SLC8A1: variants seen among roughly 807,000 people sequenced by gnomAD.
The protein encoded by SLC8A1 is solute carrier family 8 member A1.
A neutral mutation model predicts 68.3 loss-of-function variants in SLC8A1; 18 were observed. The observed-to-expected ratio is 0.26, with a 90% CI of 0.18 to 0.39. SLC8A1 has a LOEUF of 0.39. Among genes scored for constraint, SLC8A1 ranks in the 10% least tolerant of loss-of-function variants. The pLI is 1.00. For missense variants in SLC8A1, 985 were observed against 1,156.7 expected (o/e 0.85, Z 2.15); for synonymous variants, 475 against 415.5 (o/e 1.14, Z -1.74).
chr2:40,413,376 G>C (rs925978248), intron 2 of SLC8A1, among the ~76,000 whole-genome samples: 32 of 152,110 alleles, frequency 2.1e-4, no homozygotes, highest in African/African-American at 5.1e-4. Flanking sequence ...TGATAGACTG[G>C]ATTAAAAAAA....
chr2:40,198,239 A>C (rs1041865781), intron 2 of SLC8A1, among the ~76,000 whole-genome samples: 1 of 151,996 alleles, frequency 6.6e-6, no homozygotes, highest in Non-Finnish European at 1.5e-5. Context: ...AGGAGGGATT[A>C]GTGTTTTGGA....
chr2:40,247,248 G>C lies in SLC8A1; in HGVS notation c.1809-69393C>G, dbSNP rs951208679. Among the ~76,000 whole-genome samples, 3 of 152,282 alleles carry C rather than the reference G, an allele frequency of 2.0e-5. No individual in the cohort carries two copies. The South Asian group carries it at 6.2e-4, about 32-fold the overall frequency. On this transcript the variant is annotated intron_variant, in intron 2 of 7. Transcript: ENST00000406785. Reference sequence around the variant, plus strand: ...GAATGGAGCGATCACTATCCCCAGAGAGCTGTCATGGGTGCAGGCAGTGCT... The same window carrying C: ...GAATGGAGCGATCACTATCCCCAGACAGCTGTCATGGGTGCAGGCAGTGCT...
chr2:40,237,991 A>C (rs1168967972), intron 2 of SLC8A1, among the ~76,000 whole-genome samples: 2 of 152,088 alleles, frequency 1.3e-5, no homozygotes, highest in African/African-American at 4.8e-5. Context: ...TGCTGGGAGA[A>C]CCACTGCTCT....
chr2:40,331,309 T>C (rs1180693029), intron 2 of SLC8A1, among the ~76,000 whole-genome samples: 2 of 152,196 alleles, frequency 1.3e-5, no homozygotes, highest in Non-Finnish European at 2.9e-5. Flanking sequence ...GTCTAACCAA[T>C]GCTTTTAACT....
rs564845235 is a variant in SLC8A1, at chr2:40,369,924, A to G, written c.1808+58549T>C. On this transcript the variant is annotated intron_variant, in intron 2 of 7. Coordinates refer to ENST00000406785, the Ensembl canonical transcript of SLC8A1. Reference sequence around the variant, plus strand: ...AAATACACTGAAGACATAATTCAAAATTTATTCTTTGTTTTTAATATCTTT... The same window carrying G: ...AAATACACTGAAGACATAATTCAAAGTTTATTCTTTGTTTTTAATATCTTT... Among the ~76,000 whole-genome samples, 196 of 152,252 alleles carry G rather than the reference A, an allele frequency of 1.3e-3. 1 individual carries two copies. The highest frequency in any genetic ancestry group is 4.3e-3 in the African/African-American group (177 of 41,590).
chr2:40,101,896 T>G (rs974211336), exon 8 of SLC8A1: 1 of 152,138 alleles, frequency 6.6e-6, no homozygotes, highest in African/African-American at 2.4e-5. Context: ...CTGGATAATT[T>G]GCATGTCTAA....
At chr2:40,467,495 C>G (rs1037940534) in intron 1 of SLC8A1, among the ~76,000 whole-genome samples, 6 of 152,182 alleles carry the variant, frequency 3.9e-5, no homozygotes, top group African/African-American at 1.2e-4. Context: ...TTATCTTTCT[C>G]TCAATTAAAA....
chr2:40,511,149 T>C (rs1008074353), intron 1 of SLC8A1, among the ~76,000 whole-genome samples: 30 of 152,172 alleles, frequency 2.0e-4, no homozygotes, highest in Non-Finnish European at 3.7e-4. Flanking sequence ...TCCATTTCTC[T>C]TTTCTTTTTT....
At chr2:40,432,417 GTGTGTGTA>G (rs757172662) in intron 1 of SLC8A1, among the ~76,000 whole-genome samples, 6 of 144,988 alleles carry the variant, frequency 4.1e-5, no homozygotes, top group Non-Finnish European at 7.5e-5. Flanking sequence ...GTGTGTGTGT[GTGTGTGTA>G]TGTGTCAGTG....
At chr2:40,158,125 G>A (rs961161099) in intron 6 of SLC8A1, among the ~76,000 whole-genome samples, 8 of 152,254 alleles carry the variant, frequency 5.3e-5, no homozygotes, top group South Asian at 4.1e-4. Context: ...AAACCTCTCA[G>A]TAGAGCCCTT....
At chr2:40,185,825 C>T (rs1484779648) in intron 2 of SLC8A1, among the ~76,000 whole-genome samples, 1 of 152,114 alleles carries the variant, frequency 6.6e-6, no homozygotes, top group Non-Finnish European at 1.5e-5. Context: ...TTAGAAAAGG[C>T]TGTTTCCTTG....
intron 1 of SLC8A1, among the ~76,000 whole-genome samples, 167 bp downstream of exon 1, chr2:40,451,737 T>TCTCA (rs1491295790): frequency 1.9e-4 from 26 of 133,744 alleles, no homozygotes; most frequent in Middle Eastern, 3.8e-3. Context: ...ACACACCACA[T>TCTCA]CACACACACA....
chr2:40,442,397 C>CAA (rs550977492), intron 1 of SLC8A1, among the ~76,000 whole-genome samples: 33 of 75,754 alleles, frequency 4.4e-4, no homozygotes, highest in Non-Finnish European at 7.0e-4. Flanking sequence ...CTTAAATTTA[C>CAA]AAAAAAAAAA....
At chr2:40,448,328 G>A (rs1025222091) in intron 1 of SLC8A1, among the ~76,000 whole-genome samples, 3 of 152,174 alleles carry the variant, frequency 2.0e-5, no homozygotes, top group Non-Finnish European at 4.4e-5. Context: ...AAAGAAAACC[G>A]AAAGTAATCC....
intron 2 of SLC8A1, among the ~76,000 whole-genome samples, chr2:40,409,245 A>G (rs571365083): frequency 8.7e-4 from 133 of 152,260 alleles, no homozygotes; most frequent in African/African-American, 3.0e-3. Context: ...TAAGTTCCCA[A>G]TCATATTTTG....
intron 1 of SLC8A1, among the ~76,000 whole-genome samples, chr2:40,473,616 T>C (rs568668781): frequency 2.4e-4 from 36 of 152,328 alleles, no homozygotes; most frequent in African/African-American, 8.4e-4. Context: ...GTTGAACAAA[T>C]GAGTGAAAGT....
chr2:40,427,519 C>T (rs1297616418), intron 2 of SLC8A1, among the ~76,000 whole-genome samples: 1 of 151,722 alleles, frequency 6.6e-6, no homozygotes, highest in African/African-American at 2.4e-5. Context: ...TCCCTCCTTT[C>T]CCCCCAGAAA....
intron 1 of SLC8A1, among the ~76,000 whole-genome samples, chr2:40,480,049 T>A (rs531906926): frequency 1.3e-5 from 2 of 152,222 alleles, no homozygotes; most frequent in African/African-American, 4.8e-5. Flanking sequence ...AAGAAAAAAC[T>A]GTAAAACTGG....
chr2:40,200,696 A>C (rs2054198869), intron 2 of SLC8A1, among the ~76,000 whole-genome samples: 1 of 151,738 alleles, frequency 6.6e-6, no homozygotes, highest in Non-Finnish European at 1.5e-5. Flanking sequence ...AGGCCAAATG[A>C]AGACATTCCT....
Sources: allele counts gnomAD v4.1 joint callset (sites outside exome capture counted in the v4.1 genomes callset), GRCh38; gene constraint gnomAD v4.1.1; transcripts MANE v1.5; gene names NCBI Gene and HGNC (gene_info 2026-07-23, HGNC 2026-07-21).